MEF2A: variants seen among roughly 807,000 people sequenced by gnomAD.
MEF2A encodes myocyte-specific enhancer factor 2A.
A neutral mutation model predicts 55.8 loss-of-function variants in MEF2A; 28 were observed. The ratio of observed to expected loss-of-function variants is 0.50; its 90% CI spans 0.37 to 0.69. The LOEUF is 0.69. Among genes scored for constraint, MEF2A ranks in the 30% least tolerant of loss-of-function variants. The probability of loss-of-function intolerance (pLI) is 0.00; values close to 1 mark genes in which losing one functional copy is unlikely to be tolerated. For missense variants in MEF2A, 528 were observed against 626.2 expected (o/e 0.84, Z 1.67); for synonymous variants, 239 against 227.1 (o/e 1.05, Z -0.47).
intron 2 of MEF2A, among the ~76,000 whole-genome samples, chr15:99,621,680 A>G (rs2041201096): frequency 6.6e-6 from 1 of 152,104 alleles, no homozygotes; most frequent in African/African-American, 2.4e-5. Context: ...TGACATTTTC[A>G]CTTGTCCATG....
At chr15:99,692,662 G>A (rs1038890786) in intron 8 of MEF2A, among the ~76,000 whole-genome samples, 3 of 152,098 alleles carry the variant, frequency 2.0e-5, no homozygotes, top group Non-Finnish European at 4.4e-5. Flanking sequence ...TTTTTACTCC[G>A]TGAATCCCAT....
chr15:99,677,375 C>T (rs922361450), intron 7 of MEF2A, among the ~76,000 whole-genome samples: 4 of 151,768 alleles, frequency 2.6e-5, no homozygotes, highest in African/African-American at 7.3e-5. Context: ...AGAATTTTAG[C>T]AGAGAACTGA....
At chr15:99,613,945 T>C (rs930811568) in intron 2 of MEF2A, among the ~76,000 whole-genome samples, 6 of 152,156 alleles carry the variant, frequency 3.9e-5, no homozygotes, top group Non-Finnish European at 8.8e-5. Context: ...TCCTTGAAGG[T>C]TTTATCACAT....
intron 9 of MEF2A, 116 bp from the exon 10 acceptor site, chr15:99,706,613 G>A: frequency 8.6e-7 from 1 of 1,158,692 alleles, no homozygotes; most frequent in Non-Finnish European, 1.3e-6. Flanking sequence ...CATCATCAGT[G>A]CTTCAGAAAA....
At chr15:99,576,438 T>C (rs1964287037) in intron 1 of MEF2A, among the ~76,000 whole-genome samples, 1 of 152,194 alleles carries the variant, frequency 6.6e-6, no homozygotes, top group Admixed American at 6.5e-5. Flanking sequence ...GCGTGGTTGA[T>C]TTGTCTCGAA....
chr15:99,701,654 G>A (rs565583225), intron 8 of MEF2A, among the ~76,000 whole-genome samples: 2 of 152,356 alleles, frequency 1.3e-5, no homozygotes, highest in Admixed American at 6.5e-5. Flanking sequence ...AGCTGAGTGA[G>A]ATGTGAGGGA....
At position 99,658,541 on chromosome 15, in the gene MEF2A, G is replaced by A. The variant is rs144808500; in HGVS notation, c.258+12777G>A. On this transcript the variant is annotated intron_variant, in intron 4 of 11. Coordinates refer to ENST00000557942, the MANE Select transcript of MEF2A (RefSeq NM_001319206.4). ...ATGAGATAATGACACAATTTTCTAG[G>A]ATTGATGAAAGCCCACCATCCTTAG... 5.3e-5 allele frequency among the ~76,000 whole-genome samples: 8 copies of A among 151,916 alleles called. No homozygotes were observed. The East Asian group carries it at 1.2e-3, about 22-fold the overall frequency.
intron 4 of MEF2A, among the ~76,000 whole-genome samples, chr15:99,648,592 C>G (rs149271185): frequency 6.6e-6 from 1 of 152,024 alleles, no homozygotes; most frequent in Non-Finnish European, 1.5e-5. Flanking sequence ...ATGACACAAA[C>G]TCTGAAAACA....
In MEF2A at chr15:99,708,783, C is replaced by T. The variant is rs552761500; in HGVS notation, c.1010-1851C>T. Among the ~76,000 whole-genome samples, 76 of 152,236 alleles carry T rather than the reference C, an allele frequency of 5.0e-4. 2 individuals carry two copies. The South Asian group carries it at 9.1e-3, about 18-fold the overall frequency. On this transcript the variant is annotated intron_variant, in intron 10 of 11. Transcript: ENST00000557942. Reference sequence around the variant, plus strand: ...TTGTGTCAAGGGCTGTGTCTCAGCTCGGACAGGAAGGAACATGCGTGACTC... The same window carrying T: ...TTGTGTCAAGGGCTGTGTCTCAGCTTGGACAGGAAGGAACATGCGTGACTC...
At chr15:99,678,895 C>G (rs1222456185) in intron 7 of MEF2A, 1 of 155,158 alleles carries the variant, frequency 6.4e-6, no homozygotes, top group Non-Finnish European at 1.4e-5. Context: ...TTTAAGAATA[C>G]CTACAAATCA....
chr15:99,655,889 GCT>G (rs928941215), intron 4 of MEF2A, among the ~76,000 whole-genome samples: 2 of 152,044 alleles, frequency 1.3e-5, no homozygotes, highest in African/African-American at 4.8e-5. Flanking sequence ...CTCTGATCTG[GCT>G]CTCTCTTTCA....
intron 2 of MEF2A, among the ~76,000 whole-genome samples, chr15:99,624,477 C>A (rs1219231878): frequency 6.6e-6 from 1 of 152,122 alleles, no homozygotes; most frequent in African/African-American, 2.4e-5. Context: ...TTTTGAAAAT[C>A]ATTTGACCAT....
At chr15:99,676,177 A>G (rs890430465) in intron 7 of MEF2A, among the ~76,000 whole-genome samples, 1 of 152,244 alleles carries the variant, frequency 6.6e-6, no homozygotes, top group African/African-American at 2.4e-5. Flanking sequence ...GCCTAATTAT[A>G]TCTGCCACAG....
chr15:99,662,927 T>G (rs1199054106), intron 4 of MEF2A, among the ~76,000 whole-genome samples: 1 of 152,262 alleles, frequency 6.6e-6, no homozygotes. Context: ...GTGGGTTTAT[T>G]TAATTGATTT....
chr15:99,609,778 A>G (rs568025758), intron 2 of MEF2A, among the ~76,000 whole-genome samples: 4 of 152,192 alleles, frequency 2.6e-5, no homozygotes, highest in African/African-American at 4.8e-5. Context: ...CCATTGTGTT[A>G]CAAATTATAG....
chr15:99,641,343 C>T (rs2153457001), intron 3 of MEF2A, among the ~76,000 whole-genome samples: 1 of 152,268 alleles, frequency 6.6e-6, no homozygotes, highest in African/African-American at 2.4e-5. Flanking sequence ...AGCATGGCTG[C>T]CAGTTCTCTT....
chr15:99,578,013 A>C (rs1015595307), intron 1 of MEF2A, among the ~76,000 whole-genome samples: 1 of 152,240 alleles, frequency 6.6e-6, no homozygotes, highest in Non-Finnish European at 1.5e-5. Context: ...TTAAGGTAAT[A>C]TCTGCTGATC....
chr15:99,571,916 C>T (rs559338542), intron 1 of MEF2A, among the ~76,000 whole-genome samples: 5 of 152,192 alleles, frequency 3.3e-5, no homozygotes, highest in African/African-American at 1.2e-4. Flanking sequence ...TCTTAGTCTT[C>T]GTTGCCACCT....
chr15:99,587,730 T>C (rs193038885), intron 1 of MEF2A, among the ~76,000 whole-genome samples: 4 of 152,352 alleles, frequency 2.6e-5, no homozygotes, highest in Admixed American at 2.6e-4. Flanking sequence ...AAACTTAATT[T>C]TACATTTTCA....
Sources: gnomAD v4.1 joint callset for allele counts (sites outside exome capture counted in the v4.1 genomes callset) on GRCh38, gnomAD v4.1.1 for gene constraint, MANE v1.5 for transcripts, NCBI Gene and HGNC (gene_info 2026-07-23, HGNC 2026-07-21) for gene names.